Variants in FAM161A observed in about 807,000 individuals in gnomAD.
The protein encoded by FAM161A is FAM161 centrosomal protein A, also known as protein FAM161A.
A neutral mutation model predicts 70.9 loss-of-function variants in FAM161A; 57 were observed. The ratio of observed to expected loss-of-function variants is 0.80; its 90% CI spans 0.65 to 1.00. FAM161A has a LOEUF of 1.00. Ranked by LOEUF, FAM161A falls within the 50% of genes least tolerant of loss-of-function variation. FAM161A has a pLI of 0.00. For missense variants in FAM161A, 880 were observed against 836.0 expected (o/e 1.05, Z -0.65); for synonymous variants, 299 against 295.7 (o/e 1.01, Z -0.12).
At chr2:61,816,730 G>A in the FAM161A span, among the ~76,000 whole-genome samples, 1 of 152,178 alleles carries the variant, frequency 6.6e-6, no homozygotes, top group Non-Finnish European at 1.5e-5. Context: ...GCCTCCCAAA[G>A]TGCTAGGATT....
intron 1 of FAM161A, chr2:61,846,853 T>G (rs1264573916): frequency 2.3e-6 from 1 of 440,954 alleles, no homozygotes; most frequent in Non-Finnish European, 4.5e-6. Context: ...TTAGTAGCAG[T>G]GTCTGAATCC....
At chr2:61,805,458 G>A in the FAM161A span, among the ~76,000 whole-genome samples, 1 of 152,182 alleles carries the variant, frequency 6.6e-6, no homozygotes, top group Non-Finnish European at 1.5e-5. Flanking sequence ...GGAGATTGCA[G>A]TGAGCCAAGA....
chr2:61,847,056 G>C (rs1195804621), intron 1 of FAM161A: 2 of 366,620 alleles, frequency 5.5e-6, no homozygotes, highest in African/African-American at 4.2e-5. Context: ...CAGCTACTCG[G>C]GAGGCTGAGG....
At chr2:61,844,934 G>A (rs763478134) in intron 1 of FAM161A, among the ~76,000 whole-genome samples, 2 of 152,156 alleles carry the variant, frequency 1.3e-5, no homozygotes, top group Non-Finnish European at 2.9e-5. Context: ...ATGGTTGGAC[G>A]AGGACAAAGT....
At chr2:61,844,294 A>T (rs1673127503) in intron 1 of FAM161A, among the ~76,000 whole-genome samples, 1 of 152,220 alleles carries the variant, frequency 6.6e-6, no homozygotes, top group African/African-American at 2.4e-5. Flanking sequence ...TTCTCACCAT[A>T]AACTTCTTAT....
chr2:61,836,037 C>G lies in FAM161A; in HGVS notation c.1824G>C (p.Arg608Ser). The G allele has an allele frequency of 6.2e-7, 1 of 1,610,428 alleles. No individual in the cohort carries two copies. Among genetic ancestry groups the G allele is most frequent in the Non-Finnish European group, 8.5e-7 (1 of 1,178,504 alleles). Residue 608 changes from arginine to serine, a missense_variant, in exon 5 of 7, where the codon AGG becomes AGC. Coordinates refer to ENST00000404929, the MANE Select transcript of FAM161A (RefSeq NM_001201543.2). The stretch of plus-strand genomic sequence containing the variant: ...GAGCAACTCTTTCAAATAGCAGTGG[C>G]CTCTTTTTTAATTTTTCTTCTCTTT... Reference protein sequence around the residue: ...LEEREEKLKKRPLLFERVAQK... With the variant: ...LEEREEKLKKSPLLFERVAQK...
the FAM161A span, among the ~76,000 whole-genome samples, chr2:61,817,695 G>A: frequency 2.0e-5 from 3 of 152,156 alleles, no homozygotes; most frequent in Admixed American, 6.5e-5. Context: ...GGCCAGGTGC[G>A]GTGGCTCATG....
chr2:61,844,987 G>T (rs897612062), intron 1 of FAM161A, among the ~76,000 whole-genome samples: 1 of 152,172 alleles, frequency 6.6e-6, no homozygotes, highest in Non-Finnish European at 1.5e-5. Context: ...AAATAAATCC[G>T]AGGCATAGTG....
the FAM161A span, among the ~76,000 whole-genome samples, chr2:61,807,508 T>C: frequency 6.6e-6 from 1 of 151,606 alleles, no homozygotes; most frequent in Non-Finnish European, 1.5e-5. Flanking sequence ...TGCCTGTATC[T>C]TACATGTGCA....
At chr2:61,851,685 C>T (rs1302500712) in intron 1 of FAM161A, among the ~76,000 whole-genome samples, 1 of 151,828 alleles carries the variant, frequency 6.6e-6, no homozygotes, top group Non-Finnish European at 1.5e-5. Flanking sequence ...ATATGTGGAC[C>T]AACATCTCTG....
chr2:61,832,986 G>A (rs1416049922), intron 5 of FAM161A, among the ~76,000 whole-genome samples: 1 of 152,096 alleles, frequency 6.6e-6, no homozygotes, highest in African/African-American at 2.4e-5. Flanking sequence ...TTACGAATGT[G>A]TTTAACTGTT....
chr2:61,836,019 T>C lies in FAM161A; in HGVS notation c.1842A>G (p.Arg614=), dbSNP rs368917799. ...TTCCAATAAACACAACCTGAGCAAC[T>C]CTTTCAAATAGCAGTGGCCTCTTTT... ...KLKKRPLLFE[R]VAQKNARMAA... is the part of the protein sequence containing the mutation. The change falls in exon 5 of 7, where the codon AGA becomes AGG. Residue 614 remains arginine (R), a synonymous_variant. Coordinates refer to ENST00000404929, the MANE Select transcript of FAM161A (RefSeq NM_001201543.2). 4.4e-6 allele frequency: 7 copies of C among 1,601,096 alleles called. No individual in the cohort carries two copies. Among genetic ancestry groups the C allele is most frequent in the Non-Finnish European group, 6.0e-6 (7 of 1,170,630 alleles).
rs1189088763 is a variant in FAM161A at position 61,825,027 on chromosome 2, A to G, written c.*1428T>C. 2 of 453,420 alleles carry G rather than the reference A, an allele frequency of 4.4e-6. No individual in the cohort carries two copies. The highest frequency in any genetic ancestry group is 2.4e-5 in the Admixed American group (1 of 42,454). The allele number at this position is 453,420 out of a possible 1,614,324, so 28.1% of individuals were successfully genotyped here. On this transcript the variant is annotated 3_prime_UTR_variant, in exon 7 of 7. Transcript: ENST00000404929. The stretch of plus-strand genomic sequence containing the variant: ...TGTAGGAAGAAAATTACAAGTAAAC[A>G]TTTGCCCCTGATGGAGAAAAATGAC...
the FAM161A span, among the ~76,000 whole-genome samples, chr2:61,807,490 C>T: frequency 4.0e-5 from 6 of 151,662 alleles, no homozygotes; most frequent in African/African-American, 7.3e-5. Context: ...TAAAAAAGAA[C>T]ATTTTCTTGC....
At chr2:61,821,187 G>A (rs1224411058), downstream of FAM161A, among the ~76,000 whole-genome samples, 4 of 151,966 alleles carry the variant, frequency 2.6e-5, no homozygotes, top group East Asian at 1.9e-4. Flanking sequence ...AGAGTAGCTG[G>A]GACTACAGGC....
the FAM161A span, among the ~76,000 whole-genome samples, chr2:61,814,977 A>G: frequency 6.6e-6 from 1 of 152,180 alleles, no homozygotes; most frequent in Admixed American, 6.5e-5. Context: ...TTCAGCTGAC[A>G]GTCTCTATCA....
chr2:61,839,793 C>CA lies in FAM161A; in HGVS notation c.1210dup (p.Cys404LeufsTer10). 6.2e-7 allele frequency: 1 copy of CA among 1,614,138 alleles called. No homozygotes were observed. The highest frequency in any genetic ancestry group is 8.5e-7 in the Non-Finnish European group (1 of 1,180,030). On this transcript the variant is annotated frameshift_variant, in exon 3 of 7. Transcript: ENST00000404929. LOFTEE classifies it high-confidence loss of function. ...AGGACACCTGGGGTTCCTGCATCCA[C>CA]AAGCTGACCTACAAGGCAGAGGAGA... is the stretch of plus-strand genomic sequence containing the variant.
the FAM161A span, among the ~76,000 whole-genome samples, chr2:61,806,457 A>C: frequency 6.6e-6 from 1 of 152,128 alleles, no homozygotes. Flanking sequence ...TATTCATTTT[A>C]AACACCTAGA....
chr2:61,842,748 T>C (rs1482395392), intron 1 of FAM161A, among the ~76,000 whole-genome samples: 4 of 152,202 alleles, frequency 2.6e-5, no homozygotes, highest in African/African-American at 9.6e-5. Flanking sequence ...CTACCTGCTG[T>C]AAACCAGGCA....
Sources: allele counts gnomAD v4.1 joint callset (sites outside exome capture counted in the v4.1 genomes callset), GRCh38; gene constraint gnomAD v4.1.1; transcripts MANE v1.5; gene names NCBI Gene and HGNC (gene_info 2026-07-23, HGNC 2026-07-21).